Variants in PCDH15 observed in about 807,000 individuals in gnomAD.
PCDH15 encodes protocadherin related 15.
Under a neutral mutation model 178.5 loss-of-function variants are expected in PCDH15, and 129 were observed. The observed-to-expected ratio is 0.72, with a 90% CI of 0.63 to 0.84. PCDH15 has a LOEUF of 0.84. PCDH15 is among the 40% of genes least tolerant of loss of function. The pLI is 0.00. For synonymous variants in PCDH15, 800 were observed against 732.0 expected, an observed-to-expected ratio of 1.09 and a Z score of -1.50; for missense variants, 2,230 against 2,099.9, an observed-to-expected ratio of 1.06 and a Z score of -1.21.
intron 2 of PCDH15, among the ~76,000 whole-genome samples, chr10:55,109,664 A>G (rs1257267738): frequency 6.6e-6 from 1 of 152,158 alleles, no homozygotes; most frequent in Non-Finnish European, 1.5e-5. Flanking sequence ...TAATAAATCC[A>G]AGCCTGCCTT....
intron 1 of PCDH15, among the ~76,000 whole-genome samples, chr10:55,307,582 T>C (rs2132285068): frequency 6.6e-6 from 1 of 152,022 alleles, no homozygotes; most frequent in South Asian, 2.1e-4. Flanking sequence ...ACATTTTATC[T>C]TTTCTTTTCT....
chr10:54,622,723 TATTATATA>T (rs1406002292), intron 2 of PCDH15, among the ~76,000 whole-genome samples: 867 of 35,506 alleles, frequency 0.024, 35 homozygotes, highest in African/African-American at 0.078. Flanking sequence ...ATATAATATA[TATTATATA>T]ATTATATATA....
Position 54,153,286 on chromosome 10 carries a change from G to T in PCDH15, c.1598C>A (p.Ala533Glu). The change falls in exon 14 of 38, where the codon GCA becomes GAA. Residue 533 changes from alanine to glutamate, a missense_variant. Physicochemically the swap from Ala to Glu is moderately radical, Grantham distance 107 (BLOSUM62 -1). Coordinates refer to ENST00000644397, the MANE Select transcript of PCDH15 (RefSeq NM_001384140.1). Reference protein sequence around the residue: ...RPGDSVIQLTAVDADEGSNGE... With the variant: ...RPGDSVIQLTEVDADEGSNGE... ...ATTTGACCCTTCGTCTGCGTCGACT[G>T]CAGTGAGCTGGAATTGAAAATCACA... 1.2e-6 allele frequency: 2 copies of T among 1,613,734 alleles called. No individual in the cohort carries two copies. The highest frequency in any genetic ancestry group is 1.7e-5 in the Admixed American group (1 of 59,972).
intron 26 of PCDH15, among the ~76,000 whole-genome samples, chr10:53,879,383 A>G (rs1376805566): frequency 6.6e-6 from 1 of 152,214 alleles, no homozygotes; most frequent in Non-Finnish European, 1.5e-5. Context: ...TACAGATATA[A>G]TAAGATGCTT....
At chr10:55,022,773 C>A (rs1263958163) in intron 2 of PCDH15, among the ~76,000 whole-genome samples, 1 of 147,748 alleles carries the variant, frequency 6.8e-6, no homozygotes, top group African/African-American at 2.5e-5. Context: ...TGCAGTGGCG[C>A]GATCTCGGCT....
intron 2 of PCDH15, among the ~76,000 whole-genome samples, chr10:55,403,202 C>G (rs899281636): frequency 6.6e-6 from 1 of 151,528 alleles, no homozygotes; most frequent in African/African-American, 2.4e-5. Flanking sequence ...TATTTGTGGG[C>G]TTTTTTATTT....
intron 5 of PCDH15, among the ~76,000 whole-genome samples, chr10:54,365,612 G>T (rs1565091773): frequency 6.6e-6 from 1 of 152,020 alleles, no homozygotes; most frequent in Non-Finnish European, 1.5e-5. Context: ...ATTTTGGGGG[G>T]TGAGATGAAC....
At chr10:54,390,317 C>G (rs2135297222) in intron 3 of PCDH15, among the ~76,000 whole-genome samples, 1 of 151,736 alleles carries the variant, frequency 6.6e-6, no homozygotes, top group Admixed American at 6.6e-5. Flanking sequence ...TGTTTTGAGA[C>G]AGTCTCGTTC....
intron 2 of PCDH15, among the ~76,000 whole-genome samples, chr10:55,164,829 C>A (rs1212961851): frequency 6.6e-6 from 1 of 152,098 alleles, no homozygotes; most frequent in Non-Finnish European, 1.5e-5. Context: ...CACACTCTTA[C>A]TACGCAAGCG....
intron 2 of PCDH15, among the ~76,000 whole-genome samples, chr10:54,580,786 T>A (rs1239903919): frequency 6.6e-6 from 1 of 152,072 alleles, no homozygotes; most frequent in Non-Finnish European, 1.5e-5. Flanking sequence ...GCAAGAGTAG[T>A]TCAACATGTG....
intron 6 of PCDH15, among the ~76,000 whole-genome samples, chr10:54,335,202 C>T (rs538394261): frequency 5.3e-5 from 8 of 152,286 alleles, no homozygotes; most frequent in Admixed American, 2.0e-4. Flanking sequence ...ATTAACTTTG[C>T]TCCTAAGAGA....
At chr10:54,223,090 T>C (rs1248087291) in intron 9 of PCDH15, among the ~76,000 whole-genome samples, 1 of 152,076 alleles carries the variant, frequency 6.6e-6, no homozygotes, top group Non-Finnish European at 1.5e-5. Context: ...GGTGGGGGGA[T>C]CACCTGAGGT....
chr10:54,656,332 C>CA (rs1406983368), intron 2 of PCDH15, among the ~76,000 whole-genome samples: 1 of 151,978 alleles, frequency 6.6e-6, no homozygotes, highest in African/African-American at 2.4e-5. Flanking sequence ...TTAGAGACCC[C>CA]AAAAAAGTAT....
upstream of PCDH15, among the ~76,000 whole-genome samples, chr10:55,322,258 T>C (rs1014816789): frequency 2.0e-5 from 3 of 152,174 alleles, no homozygotes; most frequent in Non-Finnish European, 4.4e-5. Flanking sequence ...TACACCATTA[T>C]TGTGAGGCCT....
At chr10:54,986,704 G>A (rs995890399) in intron 2 of PCDH15, among the ~76,000 whole-genome samples, 1 of 152,064 alleles carries the variant, frequency 6.6e-6, no homozygotes, top group Non-Finnish European at 1.5e-5. Context: ...TCCGTGTTGT[G>A]TTCATAATCA....
intron 1 of PCDH15, among the ~76,000 whole-genome samples, chr10:55,290,317 A>C (rs1392873915): frequency 4.0e-5 from 6 of 150,424 alleles, no homozygotes; most frequent in Admixed American, 1.3e-4. Context: ...TTAATATCTT[A>C]AACATCACAG....
chr10:54,278,987 G>C (rs2058513388), intron 8 of PCDH15, among the ~76,000 whole-genome samples: 1 of 151,418 alleles, frequency 6.6e-6, no homozygotes, highest in South Asian at 2.1e-4. Context: ...TAAACATCTA[G>C]AATTATACAT....
At chr10:54,912,788 T>C (rs1351926121) in intron 2 of PCDH15, among the ~76,000 whole-genome samples, 18 of 152,148 alleles carry the variant, frequency 1.2e-4, no homozygotes, top group Non-Finnish European at 1.8e-4. Flanking sequence ...TGGAACTTCC[T>C]AGAGAATTGT....
rs748414865 is a variant in PCDH15, at chr10:54,020,415, G to T, written c.2528C>A (p.Ala843Asp). Residue 843 changes from alanine (A) to aspartate (D), a missense_variant and splice_region_variant, in exon 20 of 38, where the codon GCC becomes GAC. Transcript: ENST00000644397. ...PAGTTILQIE[A>D]KDVDLGANVS... ...ATTTGCTCCAAGGTCGACATCTTTG[G>T]CCTGTAATAAGCAGAAGAATAGTTT... is the stretch of plus-strand genomic sequence containing the variant. 2 of 1,613,506 alleles carry T rather than the reference G, an allele frequency of 1.2e-6. No individual in the cohort carries two copies. The highest frequency in any genetic ancestry group is 1.7e-6 in the Non-Finnish European group (2 of 1,179,638).
Sources: allele counts gnomAD v4.1 joint callset (sites outside exome capture counted in the v4.1 genomes callset), GRCh38; gene constraint gnomAD v4.1.1; transcripts MANE v1.5; gene names NCBI Gene and HGNC (gene_info 2026-07-23, HGNC 2026-07-21).